PCDH11X: variants seen among roughly 807,000 people sequenced by gnomAD.
The protein encoded by PCDH11X is protocadherin-11 X-linked.
In PCDH11X, 18 loss-of-function variants were observed where a neutral mutation model predicts 53.3. The ratio of observed to expected loss-of-function variants is 0.34; its 90% CI spans 0.23 to 0.50. The LOEUF (loss-of-function observed/expected upper bound fraction) is 0.50, where lower values mean the gene tolerates loss of function less well. Ranked by LOEUF, PCDH11X falls within the 20% of genes least tolerant of loss-of-function variation. The pLI, the probability that PCDH11X is intolerant of heterozygous loss-of-function variation, is 0.98. For missense variants in PCDH11X, 570 were observed against 1,032.4 expected (o/e 0.55, Z 6.14); for synonymous variants, 279 against 393.3 (o/e 0.71, Z 3.44).
chrX:92,593,222 A>T (rs2148799248), intron 10 of PCDH11X, among the ~76,000 whole-genome samples: 1 of 111,178 alleles, frequency 9.0e-6, no homozygotes, highest in African/African-American at 3.3e-5. Context: ...ATAATTGTTG[A>T]TTTGTCTGTT....
chrX:92,582,311 G>A (rs927820759), intron 10 of PCDH11X, among the ~76,000 whole-genome samples: 1 of 106,917 alleles, frequency 9.4e-6, no homozygotes, highest in Non-Finnish European at 1.9e-5. Context: ...CCCGGCCCAG[G>A]GTCCCCCTGT....
rs950625510 is a variant in PCDH11X, at chrX:92,098,444, C to T, written c.3034-102931C>T. Among the ~76,000 whole-genome samples the T allele has an allele frequency of 6.0e-4, 66 of 110,751 alleles. 1 individual carries two copies. The highest frequency in any genetic ancestry group is 1.2e-3 in the African/African-American group (36 of 30,518). ...ATAAATTCTTTCATAAATAAACATACGGTTGGTCATAGAAACCATCAGGCT... is the reference window on the plus strand; with the variant it reads ...ATAAATTCTTTCATAAATAAACATATGGTTGGTCATAGAAACCATCAGGCT... On this transcript the variant is annotated intron_variant, in intron 6 of 10. Transcript: ENST00000682573.
At chrX:91,788,931 G>A (rs1394662410) in intron 1 of PCDH11X, among the ~76,000 whole-genome samples, 22 of 111,665 alleles carry the variant, frequency 2.0e-4, no homozygotes, top group African/African-American at 6.8e-4. Flanking sequence ...TGGTCGCAGC[G>A]GCTCACGCCT....
chrX:92,599,172 T>TA (rs375240971), intron 10 of PCDH11X, among the ~76,000 whole-genome samples: 2 of 111,688 alleles, frequency 1.8e-5, no homozygotes, highest in Non-Finnish European at 3.8e-5. Context: ...AACTGTACAT[T>TA]AAAAAATAAC....
chrX:92,334,235 C>T (rs1200001248), intron 8 of PCDH11X, among the ~76,000 whole-genome samples: 1 of 111,720 alleles, frequency 9.0e-6, no homozygotes, highest in Non-Finnish European at 1.9e-5. Context: ...ATTGATCAAA[C>T]TTTACACGCA....
chrX:92,606,737 C>G (rs2148813276), intron 10 of PCDH11X, among the ~76,000 whole-genome samples: 1 of 111,484 alleles, frequency 9.0e-6, no homozygotes, highest in African/African-American at 3.2e-5. Flanking sequence ...AGACAAACCA[C>G]AGAATGTGAG....
chrX:92,454,124 G>T (rs1408309751), intron 9 of PCDH11X, among the ~76,000 whole-genome samples: 1 of 98,905 alleles, frequency 1.0e-5, no homozygotes, highest in Non-Finnish European at 2.0e-5. Context: ...CTGTAAATTA[G>T]CATATCTTCA....
At chrX:92,237,445 G>A (rs1221517540) in intron 7 of PCDH11X, among the ~76,000 whole-genome samples, 1 of 110,746 alleles carries the variant, frequency 9.0e-6, no homozygotes, top group East Asian at 2.8e-4. Flanking sequence ...AAATGGGACA[G>A]TAACATTTCC....
intron 7 of PCDH11X, among the ~76,000 whole-genome samples, chrX:92,219,456 A>C (rs1374872909): frequency 9.0e-6 from 1 of 110,885 alleles, no homozygotes; most frequent in Non-Finnish European, 1.9e-5. Flanking sequence ...AATTGCTTCA[A>C]AGAGAATAAA....
intron 10 of PCDH11X, among the ~76,000 whole-genome samples, chrX:92,544,693 T>C (rs1051746166): frequency 2.7e-5 from 3 of 110,563 alleles, no homozygotes; most frequent in Non-Finnish European, 3.8e-5. Flanking sequence ...AGGTTAGATA[T>C]GTTCAGCACA....
intron 8 of PCDH11X, among the ~76,000 whole-genome samples, chrX:92,278,430 G>A (rs190984450): frequency 5.4e-5 from 6 of 111,301 alleles, no homozygotes; most frequent in Non-Finnish European, 9.4e-5. Context: ...TTTATTTCAC[G>A]TGGGTGCAGG....
intron 6 of PCDH11X, among the ~76,000 whole-genome samples, chrX:92,011,902 G>A (rs2062697921): frequency 9.1e-6 from 1 of 110,392 alleles, no homozygotes; most frequent in African/African-American, 3.3e-5. Context: ...TTTTGTTTCA[G>A]TGTTAGAGCC....
intron 10 of PCDH11X, among the ~76,000 whole-genome samples, chrX:92,481,817 A>C (rs895755407): frequency 4.6e-5 from 5 of 107,702 alleles, no homozygotes; most frequent in African/African-American, 1.7e-4. Context: ...CTCTCTGCCA[A>C]CGCAAGTGTC....
chrX:91,953,912 T>A (rs2061675549), intron 6 of PCDH11X, among the ~76,000 whole-genome samples: 1 of 109,964 alleles, frequency 9.1e-6, no homozygotes, highest in Non-Finnish European at 1.9e-5. Context: ...ATAGTAAAGT[T>A]GACCGTATTA....
At chrX:92,106,913 G>A (rs1388540059) in intron 6 of PCDH11X, among the ~76,000 whole-genome samples, 5 of 111,299 alleles carry the variant, frequency 4.5e-5, no homozygotes, top group Non-Finnish European at 7.5e-5. Context: ...CATCCCACCA[G>A]CATTAGCATC....
intron 10 of PCDH11X, among the ~76,000 whole-genome samples, chrX:92,566,386 T>A (rs182059012): frequency 9.1e-6 from 1 of 109,476 alleles, no homozygotes; most frequent in East Asian, 2.9e-4. Flanking sequence ...AAATAGTGAG[T>A]TATCTTAACC....
chrX:91,832,516 G>A (rs1306083105), intron 4 of PCDH11X, among the ~76,000 whole-genome samples: 9 of 82,509 alleles, frequency 1.1e-4, no homozygotes, highest in African/African-American at 3.5e-4. Flanking sequence ...GGGGGGAAGG[G>A]TAGCATTAGG....
chrX:91,832,027 T>G (rs771957152), intron 4 of PCDH11X, among the ~76,000 whole-genome samples: 177 of 110,852 alleles, frequency 1.6e-3, no homozygotes, highest in Admixed American at 4.3e-3. Context: ...GAATTTCCAG[T>G]TATGAAACAC....
rs372505769 is a variant in PCDH11X, at chrX:92,516,159, G to A, written c.3367+47837G>A. Reference sequence around the variant, plus strand: ...ACATAATTCTGCCTATTGAATTGAGGGGTTGTTAATCCCTGGCAATCATGT... The same window carrying A: ...ACATAATTCTGCCTATTGAATTGAGAGGTTGTTAATCCCTGGCAATCATGT... On this transcript the variant is annotated intron_variant, in intron 10 of 10. Coordinates refer to ENST00000682573, the MANE Select transcript of PCDH11X (RefSeq NM_032968.5). Among the ~76,000 whole-genome samples the A allele has an allele frequency of 4.5e-3, 502 of 110,922 alleles. 6 individuals are homozygous for A. The South Asian group carries it at 0.055, about 12-fold the overall frequency.
Sources: allele counts gnomAD v4.1 joint callset (sites outside exome capture counted in the v4.1 genomes callset), GRCh38; gene constraint gnomAD v4.1.1; transcripts MANE v1.5; gene names NCBI Gene and HGNC (gene_info 2026-07-23, HGNC 2026-07-21).